RBFOX1: variants seen among roughly 807,000 people sequenced by gnomAD.
RBFOX1 encodes the protein RNA binding protein fox-1 homolog 1.
RBFOX1 carries 8 observed loss-of-function variants against 57.7 expected under a neutral mutation model. The observed-to-expected ratio is 0.14, with a 90% CI of 0.08 to 0.25. The LOEUF is 0.25. Among genes scored for constraint, RBFOX1 ranks in the 10% least tolerant of loss-of-function variants. The probability of loss-of-function intolerance (pLI) is 1.00; values close to 1 mark genes in which losing one functional copy is unlikely to be tolerated. For missense variants in RBFOX1, 611 were observed against 548.5 expected (o/e 1.11, Z -1.14); for synonymous variants, 326 against 222.4 (o/e 1.47, Z -4.15).
intron 2 of RBFOX1, among the ~76,000 whole-genome samples, chr16:6,459,167 C>T (rs918115710): frequency 5.9e-5 from 9 of 152,130 alleles, no homozygotes; most frequent in African/African-American, 2.2e-4. Flanking sequence ...AACCCCGTCT[C>T]TACTAAAACT....
intron 3 of RBFOX1, among the ~76,000 whole-genome samples, chr16:5,716,595 A>T (rs1181822355): frequency 6.6e-6 from 1 of 152,240 alleles, no homozygotes; most frequent in African/African-American, 2.4e-5. Context: ...GAACGCTTAT[A>T]TGCTGTTGGT....
chr16:5,738,806 G>T (rs2052673228), intron 3 of RBFOX1, among the ~76,000 whole-genome samples: 1 of 152,128 alleles, frequency 6.6e-6, no homozygotes, highest in Non-Finnish European at 1.5e-5. Context: ...TATCACAGTG[G>T]AATGCCAAAC....
intron 4 of RBFOX1, among the ~76,000 whole-genome samples, chr16:7,265,211 C>T (rs749381765): frequency 6.6e-6 from 1 of 151,894 alleles, no homozygotes. Flanking sequence ...GCTTAGACAA[C>T]AGAAATCTTT....
At chr16:6,251,958 C>T (rs2152947714) in intron 1 of RBFOX1, among the ~76,000 whole-genome samples, 1 of 152,196 alleles carries the variant, frequency 6.6e-6, no homozygotes, top group South Asian at 2.1e-4. Context: ...ATTTCTGATC[C>T]AACCAATTCT....
intron 4 of RBFOX1, among the ~76,000 whole-genome samples, chr16:7,429,260 C>T (rs528107244): frequency 9.9e-5 from 15 of 152,182 alleles, no homozygotes; most frequent in Non-Finnish European, 1.5e-4. Context: ...CACCCATCCC[C>T]GGCCATGCTG....
At chr16:6,177,652 G>T (rs2097023183) in intron 1 of RBFOX1, among the ~76,000 whole-genome samples, 1 of 152,098 alleles carries the variant, frequency 6.6e-6, no homozygotes, top group Non-Finnish European at 1.5e-5. Context: ...ATGCTCAAAT[G>T]AACATTTGTG....
intron 4 of RBFOX1, among the ~76,000 whole-genome samples, chr16:7,134,177 G>A (rs562214032): frequency 2.6e-4 from 40 of 152,240 alleles, no homozygotes; most frequent in African/African-American, 9.1e-4. Context: ...GCATTTTTGA[G>A]GTTTCAGTAA....
chr16:7,297,222 T>A (rs1038342069), intron 4 of RBFOX1, among the ~76,000 whole-genome samples: 2 of 152,208 alleles, frequency 1.3e-5, no homozygotes, highest in African/African-American at 4.8e-5. Flanking sequence ...ATTTTCCACA[T>A]CTTCCTGCTT....
chr16:7,386,603 A>G (rs2097887259), intron 4 of RBFOX1, among the ~76,000 whole-genome samples: 1 of 151,760 alleles, frequency 6.6e-6, no homozygotes. Flanking sequence ...TATGTGCCAC[A>G]TTTTCTTTAT....
intron 4 of RBFOX1, among the ~76,000 whole-genome samples, chr16:7,502,479 C>T (rs930804083): frequency 1.3e-5 from 2 of 152,144 alleles, no homozygotes. Context: ...CTCCACAAAG[C>T]CATTGGGTTG....
At chr16:6,293,367 C>T (rs1418381070) in intron 1 of RBFOX1, among the ~76,000 whole-genome samples, 1 of 152,164 alleles carries the variant, frequency 6.6e-6, no homozygotes, top group African/African-American at 2.4e-5. Flanking sequence ...TCATCTTCTC[C>T]AGCAAAATTT....
At chr16:7,584,032 G>T (rs2093962110) in intron 6 of RBFOX1, among the ~76,000 whole-genome samples, 1 of 152,298 alleles carries the variant, frequency 6.6e-6, no homozygotes, top group South Asian at 2.1e-4. Context: ...GATGTTGTGA[G>T]TGAAGTCATT....
At chr16:5,392,621 G>A (rs761381905) in intron 1 of RBFOX1, among the ~76,000 whole-genome samples, 2 of 151,436 alleles carry the variant, frequency 1.3e-5, no homozygotes, top group African/African-American at 4.9e-5. Context: ...TCACTGAAGC[G>A]TCGACCTCCT....
intron 4 of RBFOX1, among the ~76,000 whole-genome samples, chr16:7,478,588 T>G (rs778027794): frequency 6.6e-6 from 1 of 152,192 alleles, no homozygotes; most frequent in Non-Finnish European, 1.5e-5. Context: ...CACAGTGAGA[T>G]GATTTCTGAC....
At chr16:7,451,452 A>G (rs907481450) in intron 4 of RBFOX1, among the ~76,000 whole-genome samples, 5 of 152,106 alleles carry the variant, frequency 3.3e-5, no homozygotes, top group Admixed American at 6.5e-5. Flanking sequence ...TCACTTTTCT[A>G]TACATTTTGT....
At chr16:7,193,953 TC>T (rs900129441) in intron 4 of RBFOX1, among the ~76,000 whole-genome samples, 11 of 148,458 alleles carry the variant, frequency 7.4e-5, no homozygotes, top group African/African-American at 1.3e-4. Flanking sequence ...TCTCTAGCTA[TC>T]TTTTTTTTTT....
intron 3 of RBFOX1, among the ~76,000 whole-genome samples, chr16:6,781,319 T>G (rs2080983550): frequency 6.6e-6 from 1 of 152,142 alleles, no homozygotes; most frequent in Non-Finnish European, 1.5e-5. Flanking sequence ...TATGTTGAAT[T>G]TGATTCGGTA....
At chr16:6,127,446 G>A (rs953683826) in intron 1 of RBFOX1, among the ~76,000 whole-genome samples, 4 of 152,110 alleles carry the variant, frequency 2.6e-5, no homozygotes, top group African/African-American at 9.7e-5. Context: ...CCCTGACGTA[G>A]GCAAGGCAGG....
chr16:7,559,257 C>T (rs1002969360), intron 5 of RBFOX1, among the ~76,000 whole-genome samples: 4 of 152,164 alleles, frequency 2.6e-5, no homozygotes, highest in African/African-American at 9.7e-5. Flanking sequence ...GTTATATCTG[C>T]CATGAAATTC....
Sources: gnomAD v4.1 joint callset for allele counts (sites outside exome capture counted in the v4.1 genomes callset) on GRCh38, gnomAD v4.1.1 for gene constraint, MANE v1.5 for transcripts, NCBI Gene and HGNC (gene_info 2026-07-23, HGNC 2026-07-21) for gene names.